TSPAN5: variants seen among roughly 807,000 people sequenced by gnomAD.
The protein encoded by TSPAN5 is tetraspanin-5.
In TSPAN5, 10 loss-of-function variants were observed where a neutral mutation model predicts 37.1. The observed-to-expected ratio is 0.27, with a 90% confidence interval of 0.17 to 0.46. The LOEUF (loss-of-function observed/expected upper bound fraction) is 0.46, where lower values mean the gene tolerates loss of function less well. Among genes scored for constraint, TSPAN5 ranks in the 20% least tolerant of loss-of-function variants. TSPAN5 has a pLI of 1.00. For missense variants in TSPAN5, 195 were observed against 326.6 expected, an observed-to-expected ratio of 0.60 and a Z score of 3.11; for synonymous variants, 110 against 118.9, an observed-to-expected ratio of 0.93 and a Z score of 0.48.
intron 2 of TSPAN5, among the ~76,000 whole-genome samples, chr4:98,498,141 CTGGGCT>C (rs2110276836): frequency 6.6e-6 from 1 of 152,288 alleles, no homozygotes; most frequent in South Asian, 2.1e-4. Flanking sequence ...CAGCCAGGCA[CTGGGCT>C]ACCTGGACTA....
chr4:98,556,103 A>T (rs372043240), intron 1 of TSPAN5, among the ~76,000 whole-genome samples: 75 of 136,578 alleles, frequency 5.5e-4, no homozygotes, highest in African/African-American at 2.0e-3. Flanking sequence ...TGGCATCTTC[A>T]CCTACTACCC....
chr4:98,598,322 C>T (rs1317610974), intron 1 of TSPAN5, among the ~76,000 whole-genome samples: 1 of 144,904 alleles, frequency 6.9e-6, no homozygotes, highest in Non-Finnish European at 1.5e-5. Context: ...ACACACTGGC[C>T]TGCGCCCACT....
chr4:98,537,198 G>A (rs1049426235), intron 1 of TSPAN5, among the ~76,000 whole-genome samples: 1 of 152,170 alleles, frequency 6.6e-6, no homozygotes, highest in African/African-American at 2.4e-5. Context: ...ATCTATGCCG[G>A]AGTTCCTCAG....
intron 1 of TSPAN5, among the ~76,000 whole-genome samples, chr4:98,553,409 A>G (rs1334673247): frequency 6.6e-6 from 1 of 152,240 alleles, no homozygotes; most frequent in African/African-American, 2.4e-5. Flanking sequence ...AGAAAATTAG[A>G]ACAAAAATAA....
intron 1 of TSPAN5, among the ~76,000 whole-genome samples, chr4:98,544,375 T>C (rs1396264575): frequency 2.6e-5 from 4 of 152,072 alleles, no homozygotes; most frequent in African/African-American, 9.7e-5. Context: ...GCAACCAAAC[T>C]GTCCACTGTC....
chr4:98,620,889 TTCACG>T (rs1756465511), intron 1 of TSPAN5, among the ~76,000 whole-genome samples: 2 of 152,094 alleles, frequency 1.3e-5, no homozygotes, highest in Non-Finnish European at 2.9e-5. Flanking sequence ...TAATTGAAAA[TTCACG>T]TAACATAAAA....
intron 1 of TSPAN5, among the ~76,000 whole-genome samples, chr4:98,538,416 A>G (rs1233326479): frequency 6.6e-6 from 1 of 152,202 alleles, no homozygotes; most frequent in Non-Finnish European, 1.5e-5. Context: ...TCCTTAGTCC[A>G]CAAAAAGGTC....
intron 1 of TSPAN5, among the ~76,000 whole-genome samples, chr4:98,520,711 G>A (rs1474297345): frequency 6.6e-6 from 1 of 152,196 alleles, no homozygotes; most frequent in Non-Finnish European, 1.5e-5. Flanking sequence ...AAGACATTTG[G>A]AAAAGAATAT....
At chr4:98,591,077 GTT>G (rs550920505) in intron 1 of TSPAN5, among the ~76,000 whole-genome samples, 4 of 138,142 alleles carry the variant, frequency 2.9e-5, no homozygotes, top group African/African-American at 1.1e-4. Flanking sequence ...TTGTTTTTTT[GTT>G]TTTTTTTTTT....
chr4:98,486,985 C>A lies in TSPAN5; in HGVS notation c.133-101G>T. 2.5e-6 allele frequency: 3 copies of A among 1,212,102 alleles called. No homozygotes were observed. In the Admixed American group the frequency reaches 6.3e-5, roughly 26 times the overall value. 75.1% of individuals were successfully genotyped at this position (1,212,102 alleles called of 1,614,324 possible). A position where few individuals can be genotyped will look rare whatever the true frequency, so the allele number is the denominator to read the frequency against. ...TTGTCCTTTCCCCTCCCAAAGAAAACCTTCAGAGGGCATCTGATTATCAGG... is the reference window on the plus strand; with the variant it reads ...TTGTCCTTTCCCCTCCCAAAGAAAAACTTCAGAGGGCATCTGATTATCAGG... On this transcript the variant is annotated intron_variant, in intron 2 of 7. Coordinates refer to ENST00000305798, the MANE Select transcript of TSPAN5 (RefSeq NM_005723.4).
intron 1 of TSPAN5, among the ~76,000 whole-genome samples, chr4:98,612,337 C>A (rs543162595): frequency 1.3e-5 from 2 of 152,214 alleles, no homozygotes; most frequent in East Asian, 3.9e-4. Context: ...CCCAGTCCTG[C>A]AAGCAGCAGA....
At chr4:98,487,658 T>C (rs1435931385) in intron 2 of TSPAN5, among the ~76,000 whole-genome samples, 1 of 152,178 alleles carries the variant, frequency 6.6e-6, no homozygotes, top group Non-Finnish European at 1.5e-5. Flanking sequence ...CTTGTGTGGT[T>C]TGCTCTGGTG....
Position 98,508,627 on chromosome 4 carries a change from C to T in TSPAN5, c.82-899G>A, listed in dbSNP as rs530098300. Among the ~76,000 whole-genome samples the T allele has an allele frequency of 5.3e-5, 8 of 151,468 alleles. 1 individual carries two copies. In the South Asian group the frequency reaches 1.0e-3, roughly 20 times the overall value. On this transcript the variant is annotated intron_variant, in intron 1 of 7. Coordinates refer to ENST00000305798, the MANE Select transcript of TSPAN5 (RefSeq NM_005723.4). ...GCAGCCTCAACTACCCAGGCTTAACCGAGCCTCCTGCCTCAGCCTTCCAAG... is the reference window on the plus strand; with the variant it reads ...GCAGCCTCAACTACCCAGGCTTAACTGAGCCTCCTGCCTCAGCCTTCCAAG...
intron 1 of TSPAN5, among the ~76,000 whole-genome samples, chr4:98,548,885 A>AGGGGTG (rs70955937): frequency 1.2e-5 from 1 of 83,508 alleles, no homozygotes; most frequent in African/African-American, 4.0e-5. Flanking sequence ...TAGTATTCCA[A>AGGGGTG]GGTGTGTGTG....
intron 7 of TSPAN5, 31 bp from the exon 8 acceptor site, chr4:98,472,618 G>A: frequency 6.3e-7 from 1 of 1,581,852 alleles, no homozygotes; most frequent in Non-Finnish European, 8.7e-7. Context: ...GAGTGAAACA[G>A]TGACACTTGT....
At chr4:98,586,350 T>C (rs964918164) in intron 1 of TSPAN5, among the ~76,000 whole-genome samples, 2 of 152,206 alleles carry the variant, frequency 1.3e-5, no homozygotes, top group Non-Finnish European at 2.9e-5. Context: ...CAATCTAACC[T>C]TTCCCCATTA....
intron 1 of TSPAN5, among the ~76,000 whole-genome samples, chr4:98,558,574 C>T (rs376316804): frequency 1.1e-4 from 17 of 152,182 alleles, no homozygotes; most frequent in African/African-American, 4.1e-4. Flanking sequence ...CGATGGGCTG[C>T]TTTTGAGGCT....
chr4:98,611,895 G>A (rs749583568), intron 1 of TSPAN5, among the ~76,000 whole-genome samples: 11 of 152,226 alleles, frequency 7.2e-5, no homozygotes, highest in Non-Finnish European at 1.3e-4. Context: ...GGAGGGTGGC[G>A]AGTGGGCTGC....
chr4:98,575,455 C>T (rs959660087), intron 1 of TSPAN5, among the ~76,000 whole-genome samples: 1 of 150,968 alleles, frequency 6.6e-6, no homozygotes, highest in Non-Finnish European at 1.5e-5. Context: ...CTTCAATACA[C>T]ATACTACCTG....
Sources: gnomAD v4.1 joint callset for allele counts (sites outside exome capture counted in the v4.1 genomes callset) on GRCh38, gnomAD v4.1.1 for gene constraint, MANE v1.5 for transcripts, NCBI Gene and HGNC (gene_info 2026-07-23, HGNC 2026-07-21) for gene names.